Variants in PDE10A observed in about 807,000 individuals in gnomAD.
PDE10A encodes the protein cAMP and cAMP-inhibited cGMP 3',5'-cyclic phosphodiesterase 10A.
Under a neutral mutation model 97.7 loss-of-function variants are expected in PDE10A, and 39 were observed. The observed-to-expected ratio is 0.40, with a 90% CI of 0.31 to 0.52. The LOEUF is 0.52. Ranked by LOEUF, PDE10A falls within the 20% of genes least tolerant of loss-of-function variation. The pLI is 0.56. For synonymous variants in PDE10A, 371 were observed against 376.8 expected, an observed-to-expected ratio of 0.98 and a Z score of 0.18; for missense variants, 731 against 1,047.8, an observed-to-expected ratio of 0.70 and a Z score of 4.17.
chr6:165,400,104 G>C (rs190184700), intron 13 of PDE10A, among the ~76,000 whole-genome samples: 167 of 152,194 alleles, frequency 1.1e-3, no homozygotes, highest in African/African-American at 3.9e-3. Flanking sequence ...AAGTGGTGCT[G>C]CAACAACCAA....
At chr6:165,487,987 C>A in intron 2 of PDE10A, among the ~76,000 whole-genome samples, 2 of 114,470 alleles carry the variant, frequency 1.7e-5, no homozygotes, top group Admixed American at 1.1e-4. Context: ...AGAAAATTGC[C>A]AGGAATACCA....
chr6:165,740,780 A>G (rs555134327), intron 1 of PDE10A, among the ~76,000 whole-genome samples: 1 of 152,304 alleles, frequency 6.6e-6, no homozygotes, highest in South Asian at 2.1e-4. Context: ...GTAGAATCTT[A>G]AAAAGTCAAT....
intron 3 of PDE10A, among the ~76,000 whole-genome samples, chr6:165,482,009 G>A (rs1779631821): frequency 6.6e-6 from 1 of 152,146 alleles, no homozygotes; most frequent in African/African-American, 2.4e-5. Context: ...TCTGGTTCAA[G>A]GGAAGCCAGA....
chr6:165,867,448 T>C lies in PDE10A; in HGVS notation c.-615+120081A>G, dbSNP rs1307406000. Among the ~76,000 whole-genome samples the C allele has an allele frequency of 4.6e-5, 7 of 151,952 alleles. No individual in the cohort carries two copies. In the East Asian group the frequency reaches 1.3e-3, roughly 29 times the overall value. On this transcript the variant is annotated intron_variant, in intron 1 of 19. Coordinates refer to the PDE10A transcript ENST00000366882. ...AGACACAAAGAAGGTCATTATATAA[T>C]AATAAAAGAATCAATTCAGCAAGAG...
intron 5 of PDE10A, among the ~76,000 whole-genome samples, chr6:165,437,582 T>C (rs1193881645): frequency 1.3e-5 from 2 of 152,226 alleles, no homozygotes; most frequent in African/African-American, 4.8e-5. Flanking sequence ...TAATACTTTA[T>C]AGTGGAAACT....
intron 1 of PDE10A, among the ~76,000 whole-genome samples, chr6:165,787,212 T>TA (rs1192025266): frequency 2.6e-5 from 4 of 152,004 alleles, no homozygotes; most frequent in Admixed American, 2.0e-4. Context: ...AAACAGCCAT[T>TA]AAAAAAACCC....
intron 1 of PDE10A, among the ~76,000 whole-genome samples, chr6:165,981,496 C>T (rs1233345461): frequency 6.6e-6 from 1 of 152,102 alleles, no homozygotes; most frequent in Non-Finnish European, 1.5e-5. Context: ...AGATGTCGGT[C>T]ATTTTCTTTC....
chr6:165,982,079 T>A (rs765600165), intron 1 of PDE10A, among the ~76,000 whole-genome samples: 5 of 152,202 alleles, frequency 3.3e-5, no homozygotes, highest in African/African-American at 2.4e-5. Context: ...CTACAAAATC[T>A]TGGTGTTATT....
intron 15 of PDE10A, among the ~76,000 whole-genome samples, chr6:165,393,532 A>T (rs1026731623): frequency 4.0e-5 from 6 of 148,568 alleles, no homozygotes; most frequent in East Asian, 3.9e-4. Context: ...ATAAAAACTT[A>T]AAAAAAAAAG....
At position 165,335,783 on chromosome 6, in the gene PDE10A, C is replaced by A. The variant is rs1037157983; in HGVS notation, c.3065+340G>T. ...AAGAAAGCGAGAAGGGTCTCCCACA[C>A]CGAGACAGAGGCCCTCCCAGTCACT... is the stretch of plus-strand genomic sequence containing the variant. On this transcript the variant is annotated intron_variant, in intron 21 of 21. Transcript: ENST00000539869. 4.6e-5 allele frequency among the ~76,000 whole-genome samples: 7 copies of A among 152,298 alleles called. No homozygotes were observed. The East Asian group carries it at 1.4e-3, about 29-fold the overall frequency.
At chr6:165,445,765 G>C (rs180877382) in intron 5 of PDE10A, among the ~76,000 whole-genome samples, 1 of 152,224 alleles carries the variant, frequency 6.6e-6, no homozygotes, top group East Asian at 1.9e-4. Flanking sequence ...GTTTTGGATT[G>C]GTAGTACCTT....
chr6:165,943,250 G>GAAAGAAAGAAA (rs1562809846), intron 1 of PDE10A, among the ~76,000 whole-genome samples: 68 of 67,180 alleles, frequency 1.0e-3, no homozygotes, highest in Non-Finnish European at 1.2e-3. Flanking sequence ...AAGGAAGGAA[G>GAAAGAAAGAAA]GAAGGAAGGA....
At chr6:165,471,299 T>A (rs475061) in intron 3 of PDE10A, among the ~76,000 whole-genome samples, 1 of 151,930 alleles carries the variant, frequency 6.6e-6, no homozygotes, top group Non-Finnish European at 1.5e-5. Flanking sequence ...GGCTTCTAAA[T>A]GTTATGTTCC....
chr6:165,541,911 A>T (rs1783461851), intron 2 of PDE10A, among the ~76,000 whole-genome samples: 1 of 152,198 alleles, frequency 6.6e-6, no homozygotes, highest in African/African-American at 2.4e-5. Context: ...AAAAGCCCTC[A>T]TTTAAAAAAC....
At chr6:165,899,876 T>G (rs1447188875) in intron 1 of PDE10A, among the ~76,000 whole-genome samples, 1 of 152,322 alleles carries the variant, frequency 6.6e-6, no homozygotes, top group East Asian at 1.9e-4. Flanking sequence ...GCTTACGGAG[T>G]TGGGTTGCTC....
chr6:165,470,440 T>C (rs1043289289), intron 3 of PDE10A, among the ~76,000 whole-genome samples: 2 of 152,234 alleles, frequency 1.3e-5, no homozygotes, highest in African/African-American at 2.4e-5. Context: ...TGCATTTTCA[T>C]AAAATCCAGT....
At chr6:165,708,753 C>A in intron 1 of PDE10A, among the ~76,000 whole-genome samples, 1 of 109,492 alleles carries the variant, frequency 9.1e-6, no homozygotes, top group Non-Finnish European at 1.9e-5. Flanking sequence ...TCTCCACCGC[C>A]ATGCTGCCAC....
At chr6:165,647,642 A>T (rs1321229901) in intron 1 of PDE10A, among the ~76,000 whole-genome samples, 1 of 151,874 alleles carries the variant, frequency 6.6e-6, no homozygotes, top group Admixed American at 6.6e-5. Context: ...CCATTTCCTG[A>T]TATCAGCGTT....
intron 1 of PDE10A, among the ~76,000 whole-genome samples, chr6:165,830,331 A>G (rs1250710643): frequency 6.6e-6 from 1 of 152,160 alleles, no homozygotes; most frequent in African/African-American, 2.4e-5. Flanking sequence ...GCGCTACCTA[A>G]ACACTGGAGA....
Sources: allele counts gnomAD v4.1 joint callset (sites outside exome capture counted in the v4.1 genomes callset), GRCh38; gene constraint gnomAD v4.1.1; transcripts MANE v1.5; gene names NCBI Gene and HGNC (gene_info 2026-07-23, HGNC 2026-07-21).